Variants in TTPA observed in about 807,000 individuals in gnomAD.
TTPA encodes the protein alpha tocopherol transfer protein, also known as alpha-tocopherol transfer protein.
Under a neutral mutation model 25.9 loss-of-function variants are expected in TTPA, and 23 were observed. That is an observed-to-expected ratio of 0.89 (90% CI 0.64 to 1.26). TTPA has a LOEUF of 1.26. Among genes scored for constraint, TTPA ranks in the 50% most tolerant of loss-of-function variants. The pLI, the probability that TTPA is intolerant of heterozygous loss-of-function variation, is 0.00. For missense variants in TTPA, 337 were observed against 353.1 expected (o/e 0.95, Z 0.37); for synonymous variants, 148 against 137.3 (o/e 1.08, Z -0.54).
At chr8:63,069,072 T>G (rs1033738744) in intron 2 of TTPA, among the ~76,000 whole-genome samples, 2 of 152,042 alleles carry the variant, frequency 1.3e-5, no homozygotes, top group African/African-American at 4.8e-5. Context: ...GGAGAATCGC[T>G]TGAACTCGGG....
At chr8:63,068,796 T>A (rs114630884) in intron 2 of TTPA, among the ~76,000 whole-genome samples, 5,111 of 152,286 alleles carry the variant, frequency 0.034, 264 homozygotes, top group African/African-American at 0.11. Context: ...TGCTATTTTT[T>A]AAAAATTTTT....
Position 63,060,211 on chromosome 8 carries a change from A to G in TTPA, c.*1041T>C, listed in dbSNP as rs931445924. 1.3e-5 allele frequency: 2 copies of G among 152,238 alleles called. No individual in the cohort carries two copies. Among genetic ancestry groups the G allele is most frequent in the Admixed American group, 6.5e-5 (1 of 15,284 alleles). The allele number at this position is 152,238 out of a possible 1,614,324, so 9.4% of individuals were successfully genotyped here. ...GTATAAGACAAGTAAGTATGATTCC[A>G]TCCCTTTCCGTGTAGTCATAAGAAT... is the stretch of plus-strand genomic sequence containing the variant. On this transcript the variant is annotated 3_prime_UTR_variant, in exon 5 of 5. Coordinates refer to ENST00000260116, the MANE Select transcript of TTPA (RefSeq NM_000370.3).
intron 3 of TTPA, among the ~76,000 whole-genome samples, chr8:63,064,719 C>T (rs748126410): frequency 6.6e-6 from 1 of 152,114 alleles, no homozygotes; most frequent in Admixed American, 6.6e-5. Flanking sequence ...TAAACACACA[C>T]TTTTAAACTT....
intron 1 of TTPA, among the ~76,000 whole-genome samples, chr8:63,074,905 C>A (rs893386452): frequency 1.4e-4 from 21 of 152,106 alleles, no homozygotes; most frequent in Admixed American, 6.6e-5. Context: ...CAGGAGATAA[C>A]AACACGTGTT....
intron 3 of TTPA, 72 bp from the exon 4 acceptor site, chr8:63,064,388 C>G (rs949148292): frequency 5.0e-6 from 5 of 998,296 alleles, no homozygotes; most frequent in Non-Finnish European, 7.7e-6. Context: ...CAAGTTTCTT[C>G]TTTGAACACT....
chr8:63,072,983 GGACTCCAT>G lies in TTPA; in HGVS notation c.302_309del (p.His101ProfsTer28), dbSNP rs1805505628. 6.8e-6 allele frequency: 11 copies of G among 1,614,070 alleles called. No homozygotes were observed. The highest frequency in any genetic ancestry group is 9.3e-6 in the Non-Finnish European group (11 of 1,179,996). On this transcript the variant is annotated frameshift_variant, in exon 2 of 5. Transcript: ENST00000260116. LOFTEE classifies it high-confidence loss of function. ...CTGCCAGTGGGATCCCTGGATCTCA[GGACTCCAT>G]GGTAGCCAGCCTTTAGGAGGCCAAT...
Position 63,085,830 on chromosome 8 carries a change from G to T in TTPA, c.192C>A (p.Asp64Glu), listed in dbSNP as rs557316937. The change falls in exon 1 of 5, where the codon GAC (aspartate) becomes GAA (glutamate). Residue 64 changes from aspartate (D) to glutamate (E), a missense_variant. Transcript: ENST00000260116. ...CACGCACGCTTACCCGCCAGGCCAG[G>T]TCCAGATCGAAATCCCGGGCGCGCA... ...RFLRARDFDL[D>E]LAWRLLKNYY... 5.8e-5 allele frequency: 89 copies of T among 1,536,500 alleles called. No individual in the cohort carries two copies. Among genetic ancestry groups the T allele is most frequent in the Non-Finnish European group, 7.5e-5 (86 of 1,145,564 alleles).
intron 1 of TTPA, among the ~76,000 whole-genome samples, chr8:63,084,979 G>GT (rs1805724711): frequency 6.6e-6 from 1 of 152,198 alleles, no homozygotes; most frequent in Non-Finnish European, 1.5e-5. Flanking sequence ...AGGCAGCTGT[G>GT]TGACACTGAA....
chr8:63,064,015 C>T (rs1483284975), intron 4 of TTPA, among the ~76,000 whole-genome samples, 191 bp downstream of exon 4: 1 of 152,086 alleles, frequency 6.6e-6, no homozygotes, highest in African/African-American at 2.4e-5. Context: ...AACCAATATA[C>T]TTGATTTTTA....
chr8:63,082,797 A>G (rs768035334), intron 1 of TTPA, among the ~76,000 whole-genome samples: 3 of 152,192 alleles, frequency 2.0e-5, no homozygotes, highest in Non-Finnish European at 4.4e-5. Flanking sequence ...AATTTACAAG[A>G]AAAACAACCC....
rs140010311 is a variant in TTPA at position 63,085,998 on chromosome 8, G to C, written c.24C>G (p.Pro8=). 4,505 of 1,488,570 alleles carry C rather than the reference G, an allele frequency of 3.0e-3. 142 individuals are homozygous for C. In the African/African-American group the frequency reaches 0.059, roughly 20 times the overall value. 92.2% of individuals were successfully genotyped at this position (1,488,570 alleles called of 1,614,324 possible). The change falls in exon 1 of 5, where the codon CCC becomes CCG. Residue 8 remains proline, a synonymous_variant. Coordinates refer to ENST00000260116, the MANE Select transcript of TTPA (RefSeq NM_000370.3). ...GCGCGTTGAGCTGCGGCCCCGCCGAGGGCTGGGATCGCGCCTCTGCCATGC... is the reference window on the plus strand; with the variant it reads ...GCGCGTTGAGCTGCGGCCCCGCCGACGGCTGGGATCGCGCCTCTGCCATGC... MAEARSQ[P]SAGPQLNALP...
intron 2 of TTPA, among the ~76,000 whole-genome samples, chr8:63,071,915 G>A (rs1289049414): frequency 6.6e-6 from 1 of 152,100 alleles, no homozygotes; most frequent in Non-Finnish European, 1.5e-5. Flanking sequence ...TTTTGTTATA[G>A]TGGCCTGAAT....
At chr8:63,074,911 G>A (rs1020264013) in intron 1 of TTPA, among the ~76,000 whole-genome samples, 1 of 152,132 alleles carries the variant, frequency 6.6e-6, no homozygotes, top group Non-Finnish European at 1.5e-5. Flanking sequence ...ATAACAACAC[G>A]TGTTGAATGA....
At position 63,059,708 on chromosome 8, in the gene TTPA, A is replaced by G. The variant is rs1245576518; in HGVS notation, c.*1544T>C. ...TATGTTGAATTTGAAAGCTGAGATGATATCTTTCTTAATAAATGAAATATT... is the reference window on the plus strand; with the variant it reads ...TATGTTGAATTTGAAAGCTGAGATGGTATCTTTCTTAATAAATGAAATATT... On this transcript the variant is annotated 3_prime_UTR_variant, in exon 5 of 5. Coordinates refer to ENST00000260116, the MANE Select transcript of TTPA (RefSeq NM_000370.3). 1.3e-5 allele frequency: 2 copies of G among 152,182 alleles called. No homozygotes were observed. Among genetic ancestry groups the G allele is most frequent in the Non-Finnish European group, 2.9e-5 (2 of 68,032 alleles). The allele number at this position is 152,182 out of a possible 1,614,324, so 9.4% of individuals were successfully genotyped here.
intron 4 of TTPA, among the ~76,000 whole-genome samples, chr8:63,061,788 C>T (rs943690346): frequency 9.2e-5 from 14 of 152,062 alleles, no homozygotes; most frequent in African/African-American, 2.7e-4. Flanking sequence ...ATTCTATACA[C>T]GATAAAAATG....
intron 1 of TTPA, among the ~76,000 whole-genome samples, chr8:63,076,485 C>G (rs1805564139): frequency 6.6e-6 from 1 of 152,008 alleles, no homozygotes; most frequent in Non-Finnish European, 1.5e-5. Context: ...GGCAGAAAAG[C>G]AAGACAAAGA....
Position 63,082,803 on chromosome 8 carries a change from A to C in TTPA, c.204+3015T>G, listed in dbSNP as rs531619688. ...ACTTAAACAAATTTACAAGAAAAAC[A>C]ACCCCATCAAAAAGTGGGTGAAGGA... On this transcript the variant is annotated intron_variant, in intron 1 of 4. Coordinates refer to ENST00000260116, the MANE Select transcript of TTPA (RefSeq NM_000370.3). Among the ~76,000 whole-genome samples the C allele has an allele frequency of 7.2e-5, 11 of 152,292 alleles. No individual in the cohort carries two copies. In the South Asian group the frequency reaches 2.1e-3, roughly 29 times the overall value.
intron 4 of TTPA, among the ~76,000 whole-genome samples, chr8:63,062,577 G>A (rs10100534): frequency 0.27 from 41,310 of 151,922 alleles, 5,814 homozygotes; most frequent in South Asian, 0.38. Flanking sequence ...CCTCAGGAAG[G>A]GGCAAAATAA....
chr8:63,067,436 G>T (rs1478400410), intron 2 of TTPA, among the ~76,000 whole-genome samples: 1 of 144,592 alleles, frequency 6.9e-6, no homozygotes, highest in Non-Finnish European at 1.5e-5. Context: ...ATAGAGAAAA[G>T]TTCTCCAAAG....
Sources: allele counts gnomAD v4.1 joint callset (sites outside exome capture counted in the v4.1 genomes callset), GRCh38; gene constraint gnomAD v4.1.1; transcripts MANE v1.5; gene names NCBI Gene and HGNC (gene_info 2026-07-23, HGNC 2026-07-21).